Variants in AKR1C2 observed in about 807,000 individuals in gnomAD.
AKR1C2 encodes the protein aldo-keto reductase family 1 member C2.
Under a neutral mutation model 39.8 loss-of-function variants are expected in AKR1C2, and 27 were observed. That is an observed-to-expected ratio of 0.68 (90% CI 0.50 to 0.93). AKR1C2 has a LOEUF of 0.93. AKR1C2 is among the 40% of genes least tolerant of loss of function. The pLI is 0.00. For missense variants in AKR1C2, 263 were observed against 365.1 expected (o/e 0.72, Z 2.28); for synonymous variants, 114 against 137.9 (o/e 0.83, Z 1.22).
intron 1 of AKR1C2, chr10:5,013,671 A>C (rs1837570868): frequency 6.6e-6 from 1 of 150,650 alleles, no homozygotes; most frequent in Admixed American, 6.6e-5. Flanking sequence ...TGGCTTTGTT[A>C]TTTGTCATTA....
At chr10:4,997,655 T>C (rs1314537849) in intron 5 of AKR1C2, among the ~76,000 whole-genome samples, 1 of 152,180 alleles carries the variant, frequency 6.6e-6, no homozygotes, top group Non-Finnish European at 1.5e-5. Context: ...AATGGCCATA[T>C]TAAAAAATTG....
upstream of AKR1C2, chr10:5,003,974 A>C (rs1837347635): frequency 1.6e-6 from 1 of 611,904 alleles, no homozygotes; most frequent in Non-Finnish European, 2.9e-6. Flanking sequence ...AGTCTTACAC[A>C]AGCTGTGATA....
Position 5,001,618 on chromosome 10 carries a change from C to T in AKR1C2, c.148G>A (p.Asp50Asn). 6.2e-7 allele frequency: 1 copy of T among 1,614,038 alleles called. No homozygotes were observed. Among genetic ancestry groups the T allele is most frequent in the South Asian group, 1.1e-5 (1 of 91,072 alleles). ...LAIEAGFHHI[D>N]SAHVYNNEEQ... Reference sequence around the variant, plus strand: ...TCATTATTGTAAACATGTGCAGAATCAATATGGTGGAACCCGGCTTCTATT... The same window carrying T: ...TCATTATTGTAAACATGTGCAGAATTAATATGGTGGAACCCGGCTTCTATT... The change falls in exon 2 of 9, where the codon GAT (aspartate) becomes AAT (asparagine). Residue 50 changes from aspartate (D) to asparagine (N), a missense_variant. Around this residue, in one of 3 missense-constraint regions of AKR1C2, gnomAD observed 247 missense variants for 267.9 expected, o/e 0.92. Transcript: ENST00000380753.
intron 3 of AKR1C2, 140 bp downstream of exon 3, chr10:5,000,410 T>A: frequency 6.4e-7 from 1 of 1,572,734 alleles, no homozygotes; most frequent in Non-Finnish European, 8.6e-7. Flanking sequence ...TAGAAAGGAA[T>A]TAGGAGTTAT....
chr10:5,010,878 G>A (rs1230718537), intron 1 of AKR1C2, among the ~76,000 whole-genome samples: 2 of 152,162 alleles, frequency 1.3e-5, no homozygotes, highest in African/African-American at 4.8e-5. Flanking sequence ...TATAAGACCT[G>A]AGACTATCAA....
chr10:4,996,715 G>C (rs1837062076), intron 5 of AKR1C2, among the ~76,000 whole-genome samples: 1 of 151,870 alleles, frequency 6.6e-6, no homozygotes, highest in African/African-American at 2.4e-5. Context: ...TACGTTCACA[G>C]TACATTGCTA....
chr10:5,012,044 A>T (rs1365017716), intron 1 of AKR1C2, among the ~76,000 whole-genome samples: 1 of 152,104 alleles, frequency 6.6e-6, no homozygotes, highest in South Asian at 2.1e-4. Context: ...GATATTCACA[A>T]ATCCTGGGAG....
At chr10:5,002,812 A>C (rs1405655047) in intron 1 of AKR1C2, among the ~76,000 whole-genome samples, 1 of 152,206 alleles carries the variant, frequency 6.6e-6, no homozygotes, top group Non-Finnish European at 1.5e-5. Context: ...CTGTGCAAGC[A>C]ATCAAAGGCT....
chr10:5,008,054 A>G (rs1368941745), upstream of AKR1C2, among the ~76,000 whole-genome samples: 2 of 151,486 alleles, frequency 1.3e-5, no homozygotes, highest in African/African-American at 2.4e-5. Context: ...TGCAGCCCAC[A>G]TGGCTGCTCT....
chr10:5,001,102 A>G lies in AKR1C2; in HGVS notation c.252+412T>C, dbSNP rs113257784. 3.4e-3 allele frequency among the ~76,000 whole-genome samples: 520 copies of G among 152,312 alleles called. 3 individuals carry two copies. The highest frequency in any genetic ancestry group is 0.012 in the African/African-American group (499 of 41,566). ...GGATGCAATTTAAAACAATGTAGGT[A>G]TCACTCTTTTATACTCACTGAGCTC... On this transcript the variant is annotated intron_variant, in intron 2 of 8. Transcript: ENST00000380753.
rs2854488 is a variant in AKR1C2, at chr10:4,998,841, C to T, written c.448-94G>A. ...ACTGTGAAAGCAACAACTGTCTAGA[C>T]GTGACAATCAAACTAGCTAGCCGTG... On this transcript the variant is annotated intron_variant, in intron 4 of 8. Coordinates refer to ENST00000380753, the MANE Select transcript of AKR1C2 (RefSeq NM_001393392.1). The T allele has an allele frequency of 0.037, 57,583 of 1,551,076 alleles. 1,686 individuals carry two copies. The highest frequency in any genetic ancestry group is 0.16 in the African/African-American group (11,372 of 73,336).
intron 5 of AKR1C2, among the ~76,000 whole-genome samples, chr10:4,998,388 G>A (rs1308448965): frequency 2.0e-5 from 3 of 152,128 alleles, no homozygotes; most frequent in South Asian, 2.1e-4. Context: ...CTTCTTGATC[G>A]AATTGACCTC....
chr10:4,998,542 G>C (rs1424939185), intron 5 of AKR1C2, 83 bp downstream of exon 5: 4 of 1,576,564 alleles, frequency 2.5e-6, no homozygotes, highest in Non-Finnish European at 3.4e-6. Flanking sequence ...AAAGATAAGT[G>C]GGACTAAATG....
At chr10:5,005,423 C>G (rs1459584497), upstream of AKR1C2, among the ~76,000 whole-genome samples, 2 of 152,096 alleles carry the variant, frequency 1.3e-5, no homozygotes, top group African/African-American at 2.4e-5. Flanking sequence ...TGGTTCACAC[C>G]TGTAATCCCA....
At chr10:5,001,093 A>G (rs1837254890) in intron 2 of AKR1C2, among the ~76,000 whole-genome samples, 1 of 152,214 alleles carries the variant, frequency 6.6e-6, no homozygotes, top group Non-Finnish European at 1.5e-5. Flanking sequence ...AATTTAAAAC[A>G]ATGTAGGTAT....
intron 2 of AKR1C2, among the ~76,000 whole-genome samples, chr10:5,000,926 T>C (rs1837249876): frequency 6.6e-6 from 1 of 152,230 alleles, no homozygotes; most frequent in African/African-American, 2.4e-5. Context: ...ATCATAAGCA[T>C]ACCCATTATC....
At chr10:5,002,202 G>A (rs1259232386) in intron 1 of AKR1C2, among the ~76,000 whole-genome samples, 5 of 152,044 alleles carry the variant, frequency 3.3e-5, no homozygotes, top group Admixed American at 2.6e-4. Flanking sequence ...ATTTTGTCTG[G>A]GACTGGATAC....
intron 7 of AKR1C2, among the ~76,000 whole-genome samples, chr10:4,993,682 C>T (rs1163873370): frequency 3.3e-5 from 5 of 151,388 alleles, no homozygotes; most frequent in Non-Finnish European, 2.9e-5. Context: ...AATATGACAA[C>T]GCAGATAAAA....
At chr10:4,994,367 C>T (rs2518038) in intron 7 of AKR1C2, among the ~76,000 whole-genome samples, 148,530 of 152,194 alleles carry the variant, frequency 0.98, 72,553 homozygotes, top group East Asian at 1. Flanking sequence ...CTAACAATCA[C>T]ATGTCCCTGT....
Sources: gnomAD v4.1 joint callset for allele counts (sites outside exome capture counted in the v4.1 genomes callset) on GRCh38, gnomAD v4.1.1 for gene constraint, gnomAD v4.1.1 regional missense constraint, MANE v1.5 for transcripts, NCBI Gene and HGNC (gene_info 2026-07-23, HGNC 2026-07-21) for gene names.